Variants in CD44 observed in about 807,000 individuals in gnomAD.
CD44 encodes CD44 antigen.
Under a neutral mutation model 88.8 loss-of-function variants are expected in CD44, and 49 were observed. The ratio of observed to expected loss-of-function variants is 0.55; its 90% confidence interval spans 0.44 to 0.70. The LOEUF (loss-of-function observed/expected upper bound fraction) is 0.70. Ranked by LOEUF, CD44 falls within the 30% of genes least tolerant of loss-of-function variation. The probability of loss-of-function intolerance (pLI) is 0.00; values close to 1 mark genes in which losing one functional copy is unlikely to be tolerated. For synonymous variants in CD44, 325 were observed against 312.3 expected (o/e 1.04, Z -0.43); for missense variants, 883 against 913.8 (o/e 0.97, Z 0.43).
chr11:35,210,045 A>G lies in CD44; in HGVS notation c.1597A>G (p.Thr533Ala). Residue 533 changes from threonine (T) to alanine (A), a missense_variant, in exon 13 of 18, where the codon ACA (threonine) becomes GCA (alanine). Physicochemically the swap from Thr to Ala is moderately conservative, Grantham distance 58 (BLOSUM62 0). Coordinates refer to ENST00000428726, the MANE Select transcript of CD44 (RefSeq NM_000610.4). ...DKDHPTTSTL[T>A]SSNRNDVTGG... ...AGACCATCCAACAACTTCTACTCTG[A>G]CATCAAGCAGTAAGGATTATAAAAC... 2 of 1,547,450 alleles carry G rather than the reference A, an allele frequency of 1.3e-6. No homozygotes were observed. Among genetic ancestry groups the G allele is most frequent in the Non-Finnish European group, 8.7e-7 (1 of 1,151,196 alleles).
chr11:35,186,831 G>A lies in CD44; in HGVS notation c.368-1G>A. On this transcript the variant is annotated splice_acceptor_variant, in intron 3 of 17. Transcript: ENST00000428726. LOFTEE classifies it high-confidence loss of function. ...CTCATCCTTTTTTTCCTACCTCATA[G>A]CTCCACCTGAAGAAGATTGTACATC... 6.3e-7 allele frequency: 1 copy of A among 1,595,648 alleles called. No individual in the cohort carries two copies. The highest frequency in any genetic ancestry group is 8.6e-7 in the Non-Finnish European group (1 of 1,163,366).
At chr11:35,145,978 G>C (rs964783785) in intron 1 of CD44, among the ~76,000 whole-genome samples, 1 of 152,024 alleles carries the variant, frequency 6.6e-6, no homozygotes, top group African/African-American at 2.4e-5. Context: ...CCCATAACTG[G>C]GGCAGGTTTT....
rs961832271 is a variant in CD44, at chr11:35,196,837, G to A, written c.759G>A (p.Glu253=). Residue 253 remains glutamate, a synonymous_variant, in exon 6 of 18, where the codon GAG becomes GAA. Coordinates refer to ENST00000428726, the MANE Select transcript of CD44 (RefSeq NM_000610.4). The part of the protein sequence containing the change: ...DWFSWLFLPS[E]SKNHLHTTTQ... ...TTTCATGGTTGTTTCTACCATCAGA[G>A]TCAAAGAATCATCTTCACACAACAA... is the stretch of plus-strand genomic sequence containing the variant. 4 of 1,613,570 alleles carry A rather than the reference G, an allele frequency of 2.5e-6. No individual in the cohort carries two copies. Among genetic ancestry groups the A allele is most frequent in the Non-Finnish European group, 3.4e-6 (4 of 1,179,756 alleles).
intron 1 of CD44, among the ~76,000 whole-genome samples, chr11:35,168,974 G>A (rs147368155): frequency 5.9e-5 from 9 of 152,238 alleles, no homozygotes; most frequent in East Asian, 3.9e-4. Context: ...ATTTGCTTTC[G>A]GGGAAAACAG....
At chr11:35,171,556 C>T (rs1943888467) in intron 1 of CD44, among the ~76,000 whole-genome samples, 1 of 152,178 alleles carries the variant, frequency 6.6e-6, no homozygotes, top group Admixed American at 6.5e-5. Context: ...ATCACATGCA[C>T]ATACAACCAC....
chr11:35,159,147 C>G (rs967914946), intron 1 of CD44, among the ~76,000 whole-genome samples: 3 of 152,198 alleles, frequency 2.0e-5, no homozygotes, highest in Admixed American at 6.5e-5. Flanking sequence ...TCCCTAGAAG[C>G]GCAAGCTTGG....
intron 1 of CD44, among the ~76,000 whole-genome samples, chr11:35,164,593 C>G (rs1488975088): frequency 1.3e-5 from 2 of 152,188 alleles, no homozygotes. Flanking sequence ...TCAAAGACAA[C>G]AAGTCTTAAC....
chr11:35,221,146 A>G (rs533558913), intron 16 of CD44, among the ~76,000 whole-genome samples: 1 of 152,324 alleles, frequency 6.6e-6, no homozygotes, highest in Admixed American at 6.5e-5. Context: ...CTGGTTAACC[A>G]TGGCTTCCAT....
intron 10 of CD44, 39 bp from the exon 11 acceptor site, chr11:35,206,073 A>G: frequency 1.3e-6 from 2 of 1,577,410 alleles, no homozygotes; most frequent in Non-Finnish European, 1.7e-6. Flanking sequence ...CCAAGCGTCC[A>G]TTAACACTTT....
intron 1 of CD44, among the ~76,000 whole-genome samples, chr11:35,144,721 G>A (rs191179689): frequency 2.0e-5 from 3 of 152,296 alleles, no homozygotes; most frequent in Non-Finnish European, 4.4e-5. Context: ...TCTCAAATAT[G>A]CAAACACTCT....
At chr11:35,221,402 A>G (rs1270592782) in intron 16 of CD44, among the ~76,000 whole-genome samples, 2 of 152,178 alleles carry the variant, frequency 1.3e-5, no homozygotes, top group African/African-American at 2.4e-5. Flanking sequence ...TTTTTTAGAA[A>G]CATAGTTCTC....
chr11:35,222,174 T>C (rs1591341190), intron 17 of CD44, among the ~76,000 whole-genome samples: 1 of 152,228 alleles, frequency 6.6e-6, no homozygotes. Flanking sequence ...ACATTCACAA[T>C]GCACAAATAT....
Position 35,200,306 on chromosome 11 carries a change from G to T in CD44, c.923-776G>T, listed in dbSNP as rs573053298. The stretch of plus-strand genomic sequence containing the variant: ...GATTTTGTCATGATCCTTCTGTTAG[G>T]TGCATCTCTTATTCCAGCCCTAACA... On this transcript the variant is annotated intron_variant, in intron 7 of 17. Coordinates refer to ENST00000428726, the MANE Select transcript of CD44 (RefSeq NM_000610.4). Among the ~76,000 whole-genome samples the T allele has an allele frequency of 2.0e-5, 3 of 152,200 alleles. No homozygotes were observed. In the South Asian group the frequency reaches 6.2e-4, roughly 32 times the overall value.
intron 1 of CD44, among the ~76,000 whole-genome samples, chr11:35,163,073 C>T (rs1279487679): frequency 6.6e-6 from 1 of 151,994 alleles, no homozygotes; most frequent in Non-Finnish European, 1.5e-5. Context: ...TTTGTTGTTG[C>T]AAATAAATAT....
chr11:35,221,360 G>T (rs10734436), intron 16 of CD44, among the ~76,000 whole-genome samples: 58 of 151,980 alleles, frequency 3.8e-4, no homozygotes, highest in Non-Finnish European at 6.9e-4. Context: ...TATACCAAAG[G>T]CATCTACAAG....
At chr11:35,161,746 C>T (rs955382916) in intron 1 of CD44, among the ~76,000 whole-genome samples, 4 of 152,154 alleles carry the variant, frequency 2.6e-5, no homozygotes, top group Non-Finnish European at 5.9e-5. Flanking sequence ...CCTTGTCTAC[C>T]CTACTGAGTC....
At chr11:35,168,529 C>G (rs1943545955) in intron 1 of CD44, among the ~76,000 whole-genome samples, 1 of 152,200 alleles carries the variant, frequency 6.6e-6, no homozygotes, top group Non-Finnish European at 1.5e-5. Flanking sequence ...CCAGGAGCTG[C>G]AGGAATTAGA....
chr11:35,201,337 A>C, intron 8 of CD44, 142 bp downstream of exon 8: 1 of 674,020 alleles, frequency 1.5e-6, no homozygotes, highest in Non-Finnish European at 2.6e-6. Context: ...GAGGATACTT[A>C]ATTCCATTTA....
At chr11:35,219,068 CTG>C (rs1347542172) in intron 15 of CD44, 2 of 490,410 alleles carry the variant, frequency 4.1e-6, no homozygotes, top group Non-Finnish European at 7.4e-6. Flanking sequence ...GTCCTGAACA[CTG>C]TGCAACACTG....
Sources: gnomAD v4.1 joint callset for allele counts (sites outside exome capture counted in the v4.1 genomes callset) on GRCh38, gnomAD v4.1.1 for gene constraint, MANE v1.5 for transcripts, NCBI Gene and HGNC (gene_info 2026-07-23, HGNC 2026-07-21) for gene names.